CCDC171: variants seen among roughly 807,000 people sequenced by gnomAD.
CCDC171 encodes coiled-coil domain containing 171.
A neutral mutation model predicts 168.2 loss-of-function variants in CCDC171; 177 were observed. The observed-to-expected ratio is 1.05, with a 90% CI of 0.93 to 1.19. CCDC171 has a LOEUF of 1.19. Ranked by LOEUF, CCDC171 falls within the 50% of genes most tolerant of loss-of-function variation. The pLI is 0.00. For missense variants in CCDC171, 1,991 were observed against 1,539.0 expected, an observed-to-expected ratio of 1.29 and a Z score of -4.91; for synonymous variants, 687 against 540.8, an observed-to-expected ratio of 1.27 and a Z score of -3.75.
chr9:15,745,774 T>A, intron 18 of CCDC171, 143 bp downstream of exon 18: 1 of 468,102 alleles, frequency 2.1e-6, no homozygotes, highest in Non-Finnish European at 3.7e-6. Flanking sequence ...AGAGAGATTG[T>A]TAACTCTGTA....
chr9:15,893,337 G>GA (rs139815184), intron 24 of CCDC171, among the ~76,000 whole-genome samples: 2,624 of 152,214 alleles, frequency 0.017, 91 homozygotes, highest in African/African-American at 0.061. Context: ...AACCTTAGAA[G>GA]AAAATCTAGG....
At chr9:15,918,369 G>C (rs556537281) in intron 24 of CCDC171, among the ~76,000 whole-genome samples, 1 of 150,830 alleles carries the variant, frequency 6.6e-6, no homozygotes, top group African/African-American at 2.4e-5. Flanking sequence ...GGAGATGGAG[G>C]CTCAGAGGGA....
intron 16 of CCDC171, among the ~76,000 whole-genome samples, chr9:15,739,883 G>A (rs1186619571): frequency 6.6e-6 from 1 of 152,008 alleles, no homozygotes; most frequent in Non-Finnish European, 1.5e-5. Flanking sequence ...GACTACAGGA[G>A]CGTGCCACCA....
rs1047334744 is a variant in CCDC171, at chr9:15,817,015, T to G, written c.3268-29687T>G. Among the ~76,000 whole-genome samples, 2 of 117,918 alleles carry G rather than the reference T, an allele frequency of 1.7e-5. 1 individual carries two copies. Among genetic ancestry groups the G allele is most frequent in the Non-Finnish European group, 3.8e-5 (2 of 52,430 alleles). The allele number at this position is 117,918 out of a possible 152,430, so 77.4% of individuals were successfully genotyped here. ...ATAAAAGAAGTTTTATAGTTATGTG[T>G]GTGTGTGTATTTCCTTAAGGCTGTG... On this transcript the variant is annotated intron_variant, in intron 21 of 25. Coordinates refer to ENST00000380701, the MANE Select transcript of CCDC171 (RefSeq NM_173550.4).
At chr9:16,069,247 T>C in the CCDC171 span, among the ~76,000 whole-genome samples, 2 of 152,236 alleles carry the variant, frequency 1.3e-5, no homozygotes, top group African/African-American at 4.8e-5. Flanking sequence ...GCTTGGTATA[T>C]GTGTAATGTG....
At chr9:15,968,396 C>T (rs760815535) in intron 25 of CCDC171, among the ~76,000 whole-genome samples, 4 of 152,126 alleles carry the variant, frequency 2.6e-5, no homozygotes, top group Non-Finnish European at 2.9e-5. Flanking sequence ...CCTTTACTCT[C>T]TGTGTTACAT....
intron 21 of CCDC171, among the ~76,000 whole-genome samples, chr9:15,809,670 C>T (rs1255169736): frequency 1.3e-5 from 2 of 152,198 alleles, no homozygotes; most frequent in African/African-American, 4.8e-5. Flanking sequence ...CATGGTCTCA[C>T]TGGCCTCAGG....
intron 6 of CCDC171, among the ~76,000 whole-genome samples, chr9:15,596,975 T>C (rs1164125348): frequency 1.3e-5 from 2 of 152,170 alleles, no homozygotes; most frequent in Admixed American, 1.3e-4. Context: ...AGAATGCTTG[T>C]GATTTTTGCA....
chr9:15,715,832 A>G (rs2053041340), intron 11 of CCDC171, among the ~76,000 whole-genome samples: 1 of 152,206 alleles, frequency 6.6e-6, no homozygotes, highest in African/African-American at 2.4e-5. Context: ...AATGATTTAT[A>G]TGAGTTATGA....
At chr9:15,558,948 G>A (rs2039041820) in intron 1 of CCDC171, among the ~76,000 whole-genome samples, 1 of 152,052 alleles carries the variant, frequency 6.6e-6, no homozygotes, top group Non-Finnish European at 1.5e-5. Flanking sequence ...GTTCTCATTG[G>A]TTTCAAAGAA....
At chr9:16,002,225 G>A (rs1391134432) in intron 3 of CCDC171, among the ~76,000 whole-genome samples, 1 of 147,706 alleles carries the variant, frequency 6.8e-6, no homozygotes, top group African/African-American at 2.5e-5. Flanking sequence ...ACAACCTCAG[G>A]TCCTTCAGGA....
chr9:15,722,366 A>G (rs75193327), intron 12 of CCDC171, among the ~76,000 whole-genome samples: 2,246 of 152,350 alleles, frequency 0.015, 72 homozygotes, highest in African/African-American at 0.051. Flanking sequence ...TAAAAAACAA[A>G]TATCTGTTTG....
the CCDC171 span, among the ~76,000 whole-genome samples, chr9:16,090,920 A>T: frequency 7.9e-5 from 12 of 152,360 alleles, no homozygotes; most frequent in Admixed American, 6.5e-4. Flanking sequence ...GAAAGTTGAG[A>T]CATGTGTCCT....
intron 6 of CCDC171, among the ~76,000 whole-genome samples, chr9:15,605,561 C>T (rs2043163844): frequency 6.7e-6 from 1 of 149,892 alleles, no homozygotes; most frequent in Non-Finnish European, 1.5e-5. Flanking sequence ...GTGGCACGCA[C>T]CTGTAATCCC....
intron 18 of CCDC171, among the ~76,000 whole-genome samples, chr9:15,754,849 A>G (rs182277209): frequency 2.2e-4 from 34 of 152,274 alleles, no homozygotes; most frequent in Non-Finnish European, 4.4e-5. Flanking sequence ...TAGTTCATAT[A>G]TTGGTCATTA....
chr9:15,588,438 T>C, intron 4 of CCDC171: 3 of 282,798 alleles, frequency 1.1e-5, no homozygotes, highest in South Asian at 3.9e-5. Context: ...CTGCTAAACC[T>C]GCTCCTTCAA....
In CCDC171 at chr9:16,012,140, C is replaced by G. The variant is rs558367409; in HGVS notation, n.369-8449C>G. The stretch of plus-strand genomic sequence containing the variant: ...AATTCTGGCTAACCAGGACTTTCCT[C>G]TGTGCTGCCCAAGGAGGGTTCTTTA... On this transcript the variant is annotated intron_variant and non_coding_transcript_variant, in intron 3 of 9. Coordinates refer to the CCDC171 transcript ENST00000486641. 2.0e-5 allele frequency among the ~76,000 whole-genome samples: 3 copies of G among 152,300 alleles called. No homozygotes were observed. The East Asian group carries it at 5.8e-4, about 29-fold the overall frequency.
chr9:15,587,510 C>G, intron 4 of CCDC171: 1 of 380,628 alleles, frequency 2.6e-6, no homozygotes, highest in Admixed American at 3.1e-5. Context: ...CAATAAACCT[C>G]TTTCTTTTGT....
chr9:15,629,970 C>A (rs1040274517), intron 7 of CCDC171, among the ~76,000 whole-genome samples: 10 of 152,136 alleles, frequency 6.6e-5, no homozygotes, highest in Admixed American at 1.3e-4. Context: ...TACAGAAAAG[C>A]AAATGCTGAG....
Sources: gnomAD v4.1 joint callset for allele counts (sites outside exome capture counted in the v4.1 genomes callset) on GRCh38, gnomAD v4.1.1 for gene constraint, MANE v1.5 for transcripts, NCBI Gene and HGNC (gene_info 2026-07-23, HGNC 2026-07-21) for gene names.